The following DZIP1L variants were observed in gnomAD, a reference collection of about 807,000 sequenced individuals.
The protein encoded by DZIP1L is DAZ interacting zinc finger protein 1 like.
A neutral mutation model predicts 88.7 loss-of-function variants in DZIP1L; 90 were observed. That is an observed-to-expected ratio of 1.02 (90% CI 0.86 to 1.21). The LOEUF (loss-of-function observed/expected upper bound fraction) is 1.21. Among genes scored for constraint, DZIP1L ranks in the 50% most tolerant of loss-of-function variants. The pLI is 0.00. For synonymous variants in DZIP1L, 363 were observed against 372.1 expected (o/e 0.98, Z 0.28); for missense variants, 932 against 955.8 (o/e 0.98, Z 0.33).
At chr3:138,080,369 C>A in intron 10 of DZIP1L, 198 bp downstream of exon 10, 1 of 507,964 alleles carries the variant, frequency 2.0e-6, no homozygotes, top group Non-Finnish European at 3.5e-6. Flanking sequence ...ATCACTAAAC[C>A]AGCAGATTGT....
At chr3:138,089,385 G>C in intron 5 of DZIP1L, 1 of 538,928 alleles carries the variant, frequency 1.9e-6, no homozygotes, top group Middle Eastern at 9.6e-4. Flanking sequence ...GACTTTCTTG[G>C]CATTACAAAC....
At position 138,064,655 on chromosome 3, in the gene DZIP1L, C is replaced by T; in HGVS notation, c.2115G>A (p.Arg705=). ...LFFMPNAGPQ[R]AATPGRKPQL... ...GAGGCTTCCTTCCTGGTGTGGCAGC[C>T]CTCTGTGGCCCAGCATTGGGCATAA... The change falls in exon 15 of 16, where the codon AGG becomes AGA. Residue 705 remains arginine (R), a synonymous_variant. Coordinates refer to ENST00000327532, the MANE Select transcript of DZIP1L (RefSeq NM_173543.3). 6.2e-7 allele frequency: 1 copy of T among 1,614,190 alleles called. No homozygotes were observed. The highest frequency in any genetic ancestry group is 8.5e-7 in the Non-Finnish European group (1 of 1,180,036).
chr3:138,114,547 C>T (rs1176085412), intron 1 of DZIP1L, among the ~76,000 whole-genome samples: 1 of 152,128 alleles, frequency 6.6e-6, no homozygotes, highest in African/African-American at 2.4e-5. Context: ...GGGGCTGCAA[C>T]TGAGAAGGGA....
In DZIP1L at chr3:138,114,635, A is replaced by G. The variant is rs574428656; in HGVS notation, c.-82+693T>C. On this transcript the variant is annotated intron_variant, in intron 1 of 15. Transcript: ENST00000327532. ...CCCCATACTTCCCAGGCCTCTCTCC[A>G]AAGTCCTGTTAGAAATCGAATTCCA... is the stretch of plus-strand genomic sequence containing the variant. Among the ~76,000 whole-genome samples, 55 of 152,252 alleles carry G rather than the reference A, an allele frequency of 3.6e-4. 1 individual carries two copies. Among genetic ancestry groups the G allele is most frequent in the African/African-American group, 1.2e-3 (51 of 41,564 alleles).
At chr3:138,073,883 A>T (rs908734988) in intron 11 of DZIP1L, among the ~76,000 whole-genome samples, 2 of 152,142 alleles carry the variant, frequency 1.3e-5, no homozygotes, top group African/African-American at 4.8e-5. Context: ...CAACTTCTGG[A>T]AATCAAAAAC....
chr3:138,113,857 T>C (rs2042653843), intron 1 of DZIP1L, among the ~76,000 whole-genome samples: 1 of 152,176 alleles, frequency 6.6e-6, no homozygotes, highest in Admixed American at 6.5e-5. Flanking sequence ...GAGATATTTT[T>C]AAGTGGCCAT....
Position 138,103,840 on chromosome 3 carries a change from G to A in DZIP1L, c.132C>T (p.Asp44=), listed in dbSNP as rs775306133. The A allele has an allele frequency of 6.8e-6, 11 of 1,614,184 alleles. No homozygotes were observed. Among genetic ancestry groups the A allele is most frequent in the Middle Eastern group, 1.6e-4 (1 of 6,062 alleles). ...CCACATCCAGTTCCCGGGCCACGCG[G>A]TCTACATCCAGGGTGCTAATGCGTC... The part of the protein sequence containing the change: ...DWRRISTLDV[D]RVARELDVAT... Residue 44 remains aspartate, a synonymous_variant, in exon 2 of 16, where the codon GAC becomes GAT. Transcript: ENST00000327532.
intron 2 of DZIP1L, 110 bp downstream of exon 2, chr3:138,103,361 A>G: frequency 3.2e-6 from 4 of 1,250,786 alleles, no homozygotes; most frequent in Non-Finnish European, 4.4e-6. Context: ...CAGTGAGAAC[A>G]GCCCCCCAGC....
intron 4 of DZIP1L, 138 bp downstream of exon 4, chr3:138,094,724 A>G (rs1001137975): frequency 5.1e-6 from 7 of 1,369,644 alleles, no homozygotes; most frequent in Non-Finnish European, 6.9e-6. Flanking sequence ...TGCCATGTCC[A>G]AGAAGGCACT....
intron 1 of DZIP1L, among the ~76,000 whole-genome samples, chr3:138,107,687 C>T (rs531893845): frequency 4.2e-4 from 64 of 152,288 alleles, no homozygotes; most frequent in African/African-American, 1.4e-3. Context: ...TCCTTTATCC[C>T]TTAAACCTCC....
chr3:138,064,431 T>C (rs1296991863), intron 15 of DZIP1L, 197 bp downstream of exon 15: 1 of 1,536,936 alleles, frequency 6.5e-7, no homozygotes, highest in East Asian at 2.3e-5. Flanking sequence ...GGCTTTTTAA[T>C]GTTAACTTGG....
At chr3:138,099,036 C>A (rs1944606877) in intron 2 of DZIP1L, among the ~76,000 whole-genome samples, 1 of 152,280 alleles carries the variant, frequency 6.6e-6, no homozygotes, top group South Asian at 2.1e-4. Context: ...ACTCAGGAGG[C>A]TGAGGTGGGA....
At chr3:138,107,858 C>T (rs1489700837) in intron 1 of DZIP1L, among the ~76,000 whole-genome samples, 2 of 152,116 alleles carry the variant, frequency 1.3e-5, no homozygotes, top group Non-Finnish European at 2.9e-5. Flanking sequence ...AACCTCTCAG[C>T]CTGGTCTTGA....
At chr3:138,099,574 T>G (rs1944631641) in intron 2 of DZIP1L, among the ~76,000 whole-genome samples, 1 of 152,238 alleles carries the variant, frequency 6.6e-6, no homozygotes, top group East Asian at 1.9e-4. Flanking sequence ...TGTTGAAATT[T>G]AATCTCCAGT....
At chr3:138,096,027 A>C (rs1944453561) in intron 3 of DZIP1L, among the ~76,000 whole-genome samples, 1 of 152,238 alleles carries the variant, frequency 6.6e-6, no homozygotes. Context: ...TAGATAAATC[A>C]TACTGTTATT....
intron 10 of DZIP1L, among the ~76,000 whole-genome samples, chr3:138,079,720 T>G (rs1459202948): frequency 3.3e-5 from 5 of 152,174 alleles, no homozygotes; most frequent in South Asian, 2.1e-4. Context: ...CCATTCCTTT[T>G]TTTTTCCAAA....
At chr3:138,102,025 C>A (rs1396798073) in intron 2 of DZIP1L, 10 of 1,464,654 alleles carry the variant, frequency 6.8e-6, no homozygotes, top group African/African-American at 1.4e-5. Flanking sequence ...TGCAGGTCAT[C>A]TCCATGCTTC....
In DZIP1L at chr3:138,068,224, C is replaced by T. The variant is rs1943004918; in HGVS notation, c.1759G>A (p.Val587Met). 1.3e-6 allele frequency: 2 copies of T among 1,594,046 alleles called. No homozygotes were observed. The highest frequency in any genetic ancestry group is 1.7e-5 in the Admixed American group (1 of 57,182). ...CCGGGGCGTGGAGCGGGGGCGGACA[C>T]CTGGGTCAGGCTGGAGCCATGGCTG... ...HGSHGSSLTQ[V>M]SAPAPRPGLH... Residue 587 changes from valine to methionine, a missense_variant, in exon 13 of 16, where the codon GTG becomes ATG. Transcript: ENST00000327532.
chr3:138,063,432 G>A lies in DZIP1L; in HGVS notation c.2143-455C>T, dbSNP rs59643750. Among the ~76,000 whole-genome samples the A allele has an allele frequency of 0.068, 10,298 of 152,276 alleles. 983 individuals carry two copies. The highest frequency in any genetic ancestry group is 0.21 in the African/African-American group (8,698 of 41,524). On this transcript the variant is annotated intron_variant, in intron 15 of 15. Transcript: ENST00000327532. This position sits in a 1 kb window ranked among gnomAD's most constrained non-coding sequence, Gnocchi z 4.1. ...GTAAACATCCTGACTGAAGGAGCAT[G>A]AGAGGAGCTTGGGAGCAACAGGAGT...
Sources: gnomAD v4.1 joint callset for allele counts (sites outside exome capture counted in the v4.1 genomes callset) on GRCh38, gnomAD v4.1.1 for gene constraint, Gnocchi (gnomAD v3.1) non-coding constraint, MANE v1.5 for transcripts, NCBI Gene and HGNC (gene_info 2026-07-23, HGNC 2026-07-21) for gene names.